The following MCCC1 variants were observed in gnomAD, a reference collection of about 807,000 sequenced individuals.
The protein encoded by MCCC1 is methylcrotonoyl-CoA carboxylase subunit alpha, mitochondrial.
MCCC1 carries 64 observed loss-of-function variants against 83.8 expected under a neutral mutation model. The ratio of observed to expected loss-of-function variants is 0.76; its 90% CI spans 0.62 to 0.94. The LOEUF (loss-of-function observed/expected upper bound fraction) is 0.94. Among genes scored for constraint, MCCC1 ranks in the 40% least tolerant of loss-of-function variants. The probability of loss-of-function intolerance (pLI) is 0.00; values close to 1 mark genes in which losing one functional copy is unlikely to be tolerated. For missense variants in MCCC1, 807 were observed against 904.7 expected (o/e 0.89, Z 1.39); for synonymous variants, 322 against 315.4 (o/e 1.02, Z -0.22).
At chr3:183,029,529 G>A (rs1197518420) in intron 14 of MCCC1, among the ~76,000 whole-genome samples, 1 of 151,942 alleles carries the variant, frequency 6.6e-6, no homozygotes, top group African/African-American at 2.4e-5. Context: ...GTACTCCTTC[G>A]CTTTTCACAT....
intron 15 of MCCC1, 155 bp from the exon 16 acceptor site, chr3:183,022,709 C>T: frequency 8.9e-6 from 6 of 671,202 alleles, no homozygotes; most frequent in Non-Finnish European, 1.2e-5. Context: ...TGGAACTTTT[C>T]CCCTATTCCT....
intron 13 of MCCC1, among the ~76,000 whole-genome samples, chr3:183,036,654 C>T (rs1221726158): frequency 6.7e-6 from 1 of 149,886 alleles, no homozygotes; most frequent in Admixed American, 6.7e-5. Context: ...ATTCTCTTGT[C>T]TCAGCCTCCC....
Position 183,064,607 on chromosome 3 carries a change from C to T in MCCC1, c.761+6392G>A, listed in dbSNP as rs533795554. Among the ~76,000 whole-genome samples, 23 of 152,314 alleles carry T rather than the reference C, an allele frequency of 1.5e-4. No homozygotes were observed. The highest frequency in any genetic ancestry group is 2.8e-4 in the Non-Finnish European group (19 of 68,014). ...GCTGCACGCCAGCTCCCCGGTTCGCCGGCTGCGGTACGCCTCCTGCGCGTT... is the reference window on the plus strand; with the variant it reads ...GCTGCACGCCAGCTCCCCGGTTCGCTGGCTGCGGTACGCCTCCTGCGCGTT... On this transcript the variant is annotated intron_variant, in intron 7 of 18. Coordinates refer to ENST00000265594, the MANE Select transcript of MCCC1 (RefSeq NM_020166.5). This position sits in a 1 kb window ranked among gnomAD's most constrained non-coding sequence, Gnocchi z 4.5.
intron 7 of MCCC1, among the ~76,000 whole-genome samples, chr3:183,060,232 T>TTTG (rs550963417): frequency 6.6e-6 from 1 of 152,214 alleles, no homozygotes; most frequent in Non-Finnish European, 1.5e-5. Flanking sequence ...ATCACTGATT[T>TTTG]TTGTTGTTGT....
rs759593489 is a variant in MCCC1 at position 183,086,807 on chromosome 3, A to G, written c.274-19T>C. On this transcript the variant is annotated intron_variant, in intron 3 of 18. Coordinates refer to ENST00000265594, the MANE Select transcript of MCCC1 (RefSeq NM_020166.5). ...CATCTGCCTGTTTAAGAAACATCACATGCTTAAAAGACTTTGTGGCTAGTA... is the reference window on the plus strand; with the variant it reads ...CATCTGCCTGTTTAAGAAACATCACGTGCTTAAAAGACTTTGTGGCTAGTA... The G allele has an allele frequency of 3.7e-6, 6 of 1,607,600 alleles. No homozygotes were observed. The East Asian group carries it at 6.7e-5, about 18-fold the overall frequency.
chr3:183,060,762 C>T (rs985744772), intron 7 of MCCC1, among the ~76,000 whole-genome samples: 2 of 152,050 alleles, frequency 1.3e-5, no homozygotes, highest in African/African-American at 4.8e-5. Flanking sequence ...GTGTGATGTT[C>T]CCCTTCCTGT....
chr3:183,063,177 G>A (rs919885189), intron 7 of MCCC1, among the ~76,000 whole-genome samples: 4 of 34,482 alleles, frequency 1.2e-4, no homozygotes, highest in Non-Finnish European at 2.3e-4. Flanking sequence ...TAGAGACGGG[G>A]TTTCACTGTG....
intron 16 of MCCC1, among the ~76,000 whole-genome samples, chr3:183,020,761 G>A (rs1174740626): frequency 6.6e-6 from 1 of 151,898 alleles, no homozygotes; most frequent in East Asian, 2.0e-4. Context: ...ATGCCTCACA[G>A]TATATTAAAA....
intron 5 of MCCC1, 41 bp from the exon 6 acceptor site, chr3:183,071,398 A>G (rs41265427): frequency 9.5e-5 from 154 of 1,613,852 alleles, no homozygotes; most frequent in Middle Eastern, 1.6e-4. Flanking sequence ...CAAATTCTAC[A>G]AATTATTTCA....
intron 17 of MCCC1, among the ~76,000 whole-genome samples, chr3:183,018,588 CCT>C (rs1488293441): frequency 6.6e-5 from 10 of 152,262 alleles, no homozygotes. Context: ...TGCTTAGTCC[CCT>C]GTCCCCACCC....
chr3:183,031,283 G>T (rs2108456022), intron 14 of MCCC1, among the ~76,000 whole-genome samples: 1 of 152,224 alleles, frequency 6.6e-6, no homozygotes, highest in East Asian at 1.9e-4. Flanking sequence ...ACAATCTTTG[G>T]AAAGTGTTTA....
At chr3:183,060,986 G>C (rs1715789158) in intron 7 of MCCC1, among the ~76,000 whole-genome samples, 1 of 152,170 alleles carries the variant, frequency 6.6e-6, no homozygotes, top group Non-Finnish European at 1.5e-5. Flanking sequence ...GAGGTGAGCA[G>C]AGACAAAGTG....
intron 1 of MCCC1, among the ~76,000 whole-genome samples, chr3:183,111,236 C>T (rs137947570): frequency 1.6e-4 from 24 of 152,222 alleles, no homozygotes; most frequent in East Asian, 9.6e-4. Context: ...CAATGCAATA[C>T]GCAGCACCCT....
At chr3:183,026,702 T>C (rs1292064226) in intron 14 of MCCC1, among the ~76,000 whole-genome samples, 1 of 151,864 alleles carries the variant, frequency 6.6e-6, no homozygotes, top group Non-Finnish European at 1.5e-5. Context: ...AGAGTGAGGC[T>C]CCATCTCAAG....
rs1711714541 is a variant in MCCC1, at chr3:183,017,249, A to G, written c.2049+17T>C. The G allele has an allele frequency of 1.2e-6, 2 of 1,611,568 alleles. No individual in the cohort carries two copies. The highest frequency in any genetic ancestry group is 1.1e-5 in the South Asian group (1 of 91,054). On this transcript the variant is annotated intron_variant, in intron 18 of 18. Coordinates refer to ENST00000265594, the MANE Select transcript of MCCC1 (RefSeq NM_020166.5). ...CTCCCAAAGTCCTCATAGCAAATGA[A>G]CTCATGATTTCCTTACCTCCATCTT...
At chr3:183,023,595 C>A (rs1712338636) in intron 15 of MCCC1, among the ~76,000 whole-genome samples, 1 of 152,072 alleles carries the variant, frequency 6.6e-6, no homozygotes, top group South Asian at 2.1e-4. Flanking sequence ...GAATTATAAC[C>A]CTCATACCCA....
intron 1 of MCCC1, among the ~76,000 whole-genome samples, chr3:183,111,654 G>A (rs1473620349): frequency 6.6e-6 from 1 of 152,108 alleles, no homozygotes; most frequent in African/African-American, 2.4e-5. Flanking sequence ...TTATTCTTAG[G>A]CCTATTGCAG....
At chr3:183,041,263 AT>A (rs1329013105) in intron 11 of MCCC1, among the ~76,000 whole-genome samples, 1 of 152,216 alleles carries the variant, frequency 6.6e-6, no homozygotes, top group African/African-American at 2.4e-5. Context: ...GATATCAGTC[AT>A]CTTAAATCAT....
chr3:183,083,193 C>T (rs540858751), intron 4 of MCCC1, among the ~76,000 whole-genome samples: 2 of 152,240 alleles, frequency 1.3e-5, no homozygotes, highest in African/African-American at 4.8e-5. Flanking sequence ...TATTCAATGT[C>T]CTTTACTAGA....
Sources: gnomAD v4.1 joint callset for allele counts (sites outside exome capture counted in the v4.1 genomes callset) on GRCh38, gnomAD v4.1.1 for gene constraint, Gnocchi (gnomAD v3.1) non-coding constraint, MANE v1.5 for transcripts, NCBI Gene and HGNC (gene_info 2026-07-23, HGNC 2026-07-21) for gene names.